TMEM108: variants seen among roughly 807,000 people sequenced by gnomAD.
The protein encoded by TMEM108 is cancer/testis antigen 124.
Under a neutral mutation model 35.1 loss-of-function variants are expected in TMEM108, and 12 were observed. The observed-to-expected ratio is 0.34, with a 90% CI of 0.22 to 0.55. The LOEUF is 0.55. TMEM108 is among the 20% of genes least tolerant of loss of function. TMEM108 has a pLI of 0.89. For missense variants in TMEM108, 680 were observed against 753.3 expected, an observed-to-expected ratio of 0.90 and a Z score of 1.14; for synonymous variants, 287 against 308.6, an observed-to-expected ratio of 0.93 and a Z score of 0.73.
At chr3:133,187,725 G>A (rs115580630) in intron 2 of TMEM108, among the ~76,000 whole-genome samples, 187 of 152,144 alleles carry the variant, frequency 1.2e-3, no homozygotes, top group African/African-American at 4.2e-3. Flanking sequence ...ACTCCAGCCT[G>A]GGCATCACAT....
At chr3:133,054,157 T>C (rs757286568) in intron 2 of TMEM108, among the ~76,000 whole-genome samples, 1 of 152,176 alleles carries the variant, frequency 6.6e-6, no homozygotes, top group Non-Finnish European at 1.5e-5. Flanking sequence ...AATTCTTAAC[T>C]CTTGGAATCA....
At chr3:133,249,117 C>T (rs1044636819) in intron 3 of TMEM108, among the ~76,000 whole-genome samples, 1 of 152,164 alleles carries the variant, frequency 6.6e-6, no homozygotes, top group African/African-American at 2.4e-5. Flanking sequence ...ATCATGACAT[C>T]TCCTTCACAG....
At chr3:133,217,363 C>A (rs1945924379) in intron 2 of TMEM108, among the ~76,000 whole-genome samples, 1 of 151,870 alleles carries the variant, frequency 6.6e-6, no homozygotes, top group South Asian at 2.1e-4. Flanking sequence ...ATACATTTTC[C>A]CATTCCATAG....
chr3:133,275,500 G>A (rs1946826706), intron 3 of TMEM108, among the ~76,000 whole-genome samples: 1 of 152,120 alleles, frequency 6.6e-6, no homozygotes, highest in South Asian at 2.1e-4. Flanking sequence ...GTTCAGTTTG[G>A]CCACATGTGG....
Position 133,289,287 on chromosome 3 carries a change from C to T in TMEM108, c.40+59936C>T, listed in dbSNP as rs139783733. Among the ~76,000 whole-genome samples, 205 of 152,210 alleles carry T rather than the reference C, an allele frequency of 1.3e-3. 2 individuals are homozygous for T. The highest frequency in any genetic ancestry group is 0.012 in the East Asian group (62 of 5,178). Reference sequence around the variant, plus strand: ...CCAAAACTTTGAGGTAGATATTATTCTTGTCACTTTCTTATAGATGGGAAA... The same window carrying T: ...CCAAAACTTTGAGGTAGATATTATTTTTGTCACTTTCTTATAGATGGGAAA... On this transcript the variant is annotated intron_variant, in intron 3 of 5. Coordinates refer to ENST00000321871, the MANE Select transcript of TMEM108 (RefSeq NM_023943.4).
At chr3:133,321,197 T>C (rs1215379814) in intron 3 of TMEM108, among the ~76,000 whole-genome samples, 2 of 152,030 alleles carry the variant, frequency 1.3e-5, no homozygotes, top group African/African-American at 4.8e-5. Context: ...ATGGATTAAA[T>C]GTTCCACTTA....
chr3:133,227,439 C>T (rs1254109503), intron 2 of TMEM108, among the ~76,000 whole-genome samples: 8 of 148,878 alleles, frequency 5.4e-5, no homozygotes, highest in South Asian at 2.1e-4. Context: ...GTGATCCGCC[C>T]GCCTCGGCCT....
intron 3 of TMEM108, among the ~76,000 whole-genome samples, chr3:133,371,312 CTCAGCTGCATGGGCTGAG>C (rs1457767964): frequency 6.6e-6 from 1 of 152,170 alleles, no homozygotes; most frequent in African/African-American, 2.4e-5. Context: ...TCTCCCCAGA[CTCAGCTGCATGGGCTGAG>C]TCTAAGTCAG....
At chr3:133,054,216 T>C (rs1435413424) in intron 2 of TMEM108, among the ~76,000 whole-genome samples, 1 of 152,226 alleles carries the variant, frequency 6.6e-6, no homozygotes, top group Non-Finnish European at 1.5e-5. Context: ...ACTGGAAGAT[T>C]ATTCAGAAAG....
chr3:133,095,824 C>T (rs888524732), intron 2 of TMEM108, among the ~76,000 whole-genome samples: 4 of 152,196 alleles, frequency 2.6e-5, no homozygotes, highest in African/African-American at 9.7e-5. Context: ...ATGCTCACCT[C>T]CTACTGTGTG....
intron 2 of TMEM108, among the ~76,000 whole-genome samples, chr3:133,132,129 C>CGCAGCAAGTGCTCATGGAGAAGCT (rs1207462773): frequency 6.6e-6 from 1 of 152,122 alleles, no homozygotes; most frequent in Admixed American, 6.6e-5. Flanking sequence ...TACCAAGTGA[C>CGCAGCAAGTGCTCATGGAGAAGCT]GCAGCAAGTG....
At chr3:133,368,519 G>A (rs144383206) in intron 3 of TMEM108, among the ~76,000 whole-genome samples, 179 of 152,324 alleles carry the variant, frequency 1.2e-3, no homozygotes, top group Non-Finnish European at 2.2e-3. Context: ...ACAGGAGTTA[G>A]GTTCCAGCTC....
At chr3:133,052,478 TA>T (rs1943416765) in intron 2 of TMEM108, among the ~76,000 whole-genome samples, 2 of 151,598 alleles carry the variant, frequency 1.3e-5, no homozygotes, top group South Asian at 4.2e-4. Context: ...CCTTTTATTT[TA>T]ATTTAATTTA....
intron 2 of TMEM108, among the ~76,000 whole-genome samples, chr3:133,084,939 C>T (rs1943862302): frequency 6.6e-6 from 1 of 152,148 alleles, no homozygotes; most frequent in Non-Finnish European, 1.5e-5. Context: ...GTTTGAGACT[C>T]TTTTCCAGGA....
chr3:133,387,631 GC>G, intron 4 of TMEM108: 2 of 802,158 alleles, frequency 2.5e-6, no homozygotes, highest in Non-Finnish European at 3.0e-6. Flanking sequence ...AGGTTTCCAT[GC>G]CCCACCTTCT....
intron 3 of TMEM108, chr3:133,303,325 G>A (rs1227478010): frequency 6.6e-6 from 1 of 152,156 alleles, no homozygotes; most frequent in Non-Finnish European, 1.5e-5. Flanking sequence ...GGAGCAGATG[G>A]CACTCAACTG....
intron 2 of TMEM108, among the ~76,000 whole-genome samples, chr3:133,215,449 C>T (rs1319815562): frequency 1.3e-5 from 2 of 151,124 alleles, no homozygotes; most frequent in Admixed American, 1.3e-4. Flanking sequence ...GATGGAGCAT[C>T]ACCTTGTTCA....
At chr3:133,394,663 T>C (rs1472422942) in intron 5 of TMEM108, among the ~76,000 whole-genome samples, 1 of 152,236 alleles carries the variant, frequency 6.6e-6, no homozygotes, top group African/African-American at 2.4e-5. Flanking sequence ...TTTTGTCTCC[T>C]CTTTGAAGTG....
At chr3:133,038,849 T>TAG (rs761953423) in intron 1 of TMEM108, among the ~76,000 whole-genome samples, 1 of 152,146 alleles carries the variant, frequency 6.6e-6, no homozygotes, top group Non-Finnish European at 1.5e-5. Flanking sequence ...AGAAGAAATG[T>TAG]AGTGTCACTT....
Sources: allele counts gnomAD v4.1 joint callset (sites outside exome capture counted in the v4.1 genomes callset), GRCh38; gene constraint gnomAD v4.1.1; transcripts MANE v1.5; gene names NCBI Gene and HGNC (gene_info 2026-07-23, HGNC 2026-07-21).